PDK1: variants seen among roughly 807,000 people sequenced by gnomAD.
The protein encoded by PDK1 is pyruvate dehydrogenase kinase 1.
In PDK1, 39 loss-of-function variants were observed where a neutral mutation model predicts 54.2. That is an observed-to-expected ratio of 0.72 (90% CI 0.56 to 0.94). The LOEUF (loss-of-function observed/expected upper bound fraction) is 0.94. Among genes scored for constraint, PDK1 ranks in the 40% least tolerant of loss-of-function variants. PDK1 has a pLI of 0.00. For missense variants in PDK1, 552 were observed against 566.0 expected (o/e 0.98, Z 0.25); for synonymous variants, 221 against 207.1 (o/e 1.07, Z -0.58).
chr2:172,645,855 A>T, the PDK1 span, among the ~76,000 whole-genome samples: 2 of 152,356 alleles, frequency 1.3e-5, no homozygotes, highest in African/African-American at 4.8e-5. Flanking sequence ...TGAATAAATC[A>T]GTTTGATCAT....
At chr2:172,647,931 C>T in the PDK1 span, among the ~76,000 whole-genome samples, 2 of 152,166 alleles carry the variant, frequency 1.3e-5, no homozygotes, top group Non-Finnish European at 2.9e-5. Context: ...GAAGGTCACA[C>T]CACTTTGTAA....
chr2:172,557,830 G>T (rs945170289), intron 1 of PDK1, among the ~76,000 whole-genome samples: 3 of 151,932 alleles, frequency 2.0e-5, no homozygotes, highest in Non-Finnish European at 1.5e-5. Context: ...TGGAATCAGT[G>T]AGTCTTCCTA....
At chr2:172,722,177 A>G in the PDK1 span, among the ~76,000 whole-genome samples, 3 of 152,212 alleles carry the variant, frequency 2.0e-5, no homozygotes, top group Admixed American at 2.0e-4. Flanking sequence ...CAGAGCCTCT[A>G]TTGGTCCTAA....
chr2:172,594,828 A>G (rs1237937665), intron 10 of PDK1, among the ~76,000 whole-genome samples: 1 of 152,226 alleles, frequency 6.6e-6, no homozygotes, highest in African/African-American at 2.4e-5. Flanking sequence ...GAAGATAACT[A>G]GAAATGTAGT....
the PDK1 span, among the ~76,000 whole-genome samples, chr2:172,647,539 T>C: frequency 1.3e-5 from 2 of 152,016 alleles, no homozygotes; most frequent in East Asian, 3.9e-4. Flanking sequence ...ATTATAGCCC[T>C]CAGAAAAAAG....
chr2:172,695,716 G>A, the PDK1 span, among the ~76,000 whole-genome samples: 2 of 152,122 alleles, frequency 1.3e-5, no homozygotes, highest in African/African-American at 4.8e-5. Flanking sequence ...GCTTATGTTG[G>A]GAAAAGACAG....
At chr2:172,561,498 T>A (rs1032335763) in intron 2 of PDK1, among the ~76,000 whole-genome samples, 1 of 152,232 alleles carries the variant, frequency 6.6e-6, no homozygotes, top group African/African-American at 2.4e-5. Flanking sequence ...GTGGAGCAGA[T>A]CCCTTACACT....
intron 6 of PDK1, among the ~76,000 whole-genome samples, chr2:172,568,327 C>CAAAAAAA (rs11400625): frequency 4.0e-4 from 23 of 57,052 alleles, no homozygotes; most frequent in African/African-American, 5.8e-4. Flanking sequence ...GACTCCGTCT[C>CAAAAAAA]AAAAAAAAAA....
chr2:172,710,194 A>C, the PDK1 span, among the ~76,000 whole-genome samples: 1 of 152,080 alleles, frequency 6.6e-6, no homozygotes, highest in Non-Finnish European at 1.5e-5. Context: ...CGGTAAAGGC[A>C]CTCTTAGAGA....
At chr2:172,722,950 A>G in the PDK1 span, among the ~76,000 whole-genome samples, 144 of 151,916 alleles carry the variant, frequency 9.5e-4, 1 homozygote, top group African/African-American at 2.7e-3. Context: ...TATTTTCAGG[A>G]CTCAAAATTT....
intron 6 of PDK1, among the ~76,000 whole-genome samples, chr2:172,568,536 A>C (rs1273362055): frequency 6.6e-6 from 1 of 152,202 alleles, no homozygotes; most frequent in African/African-American, 2.4e-5. Flanking sequence ...AGAAGTGACC[A>C]CAGGACTCTT....
At chr2:172,656,461 T>TTAGAGGAGCC in the PDK1 span, among the ~76,000 whole-genome samples, 2 of 152,188 alleles carry the variant, frequency 1.3e-5, no homozygotes, top group Non-Finnish European at 2.9e-5. Context: ...TGCTCCTCCC[T>TTAGAGGAGCC]TAGAGGAGCC....
chr2:172,653,328 C>T, the PDK1 span, among the ~76,000 whole-genome samples: 16 of 152,174 alleles, frequency 1.1e-4, no homozygotes, highest in South Asian at 1.2e-3. Flanking sequence ...ATTCACCAGG[C>T]GCAGTGGCTC....
chr2:172,556,584 C>A, intron 1 of PDK1: 1 of 376,360 alleles, frequency 2.7e-6, no homozygotes, highest in Non-Finnish European at 4.7e-6. Flanking sequence ...AACAAACCAG[C>A]TGGGCCGCGG....
chr2:172,571,837 T>G (rs1689282803), intron 8 of PDK1, among the ~76,000 whole-genome samples: 1 of 135,352 alleles, frequency 7.4e-6, no homozygotes, highest in African/African-American at 2.8e-5. Flanking sequence ...TTTTTTTTTT[T>G]TTTTTTTTTT....
At position 172,564,599 on chromosome 2, in the gene PDK1, G is replaced by A. The variant is rs2149209212; in HGVS notation, c.507G>A (p.Val169=). The change falls in exon 4 of 11, where the codon GTG becomes GTA. Residue 169 remains valine, a synonymous_variant. Coordinates refer to ENST00000282077, the MANE Select transcript of PDK1 (RefSeq NM_002610.5). The part of the protein sequence containing the change: ...GVIEYKESFG[V]DPVTSQNVQY... ...TTGAATACAAGGAGAGCTTTGGGGT[G>A]GATCCTGTCACCAGCCAGAATGTTC... The A allele has an allele frequency of 1.2e-6, 2 of 1,613,966 alleles. No individual in the cohort carries two copies. Among genetic ancestry groups the A allele is most frequent in the Non-Finnish European group, 1.7e-6 (2 of 1,179,870 alleles).
At chr2:172,694,682 T>C in the PDK1 span, among the ~76,000 whole-genome samples, 1 of 152,244 alleles carries the variant, frequency 6.6e-6, no homozygotes, top group Non-Finnish European at 1.5e-5. Flanking sequence ...ACTGCAGGGA[T>C]AGACTCTGGC....
chr2:172,700,989 C>T, the PDK1 span, among the ~76,000 whole-genome samples: 6 of 151,602 alleles, frequency 4.0e-5, no homozygotes, highest in Middle Eastern at 3.4e-3. Context: ...AGAGGGAGAC[C>T]GTGCAAAGGG....
intron 3 of PDK1, chr2:172,564,252 G>A: frequency 1.9e-6 from 1 of 527,428 alleles, no homozygotes; most frequent in South Asian, 2.1e-5. Flanking sequence ...ACGTTTTGTG[G>A]CAGCCTTACT....
Sources: gnomAD v4.1 joint callset for allele counts (sites outside exome capture counted in the v4.1 genomes callset) on GRCh38, gnomAD v4.1.1 for gene constraint, MANE v1.5 for transcripts, NCBI Gene and HGNC (gene_info 2026-07-23, HGNC 2026-07-21) for gene names.